ADAM22: variants seen among roughly 807,000 people sequenced by gnomAD.
ADAM22 encodes the protein disintegrin and metalloproteinase domain-containing protein 22.
Under a neutral mutation model 144.6 loss-of-function variants are expected in ADAM22, and 65 were observed. The observed-to-expected ratio is 0.45, with a 90% CI of 0.37 to 0.55. The LOEUF (loss-of-function observed/expected upper bound fraction) is 0.55. Among genes scored for constraint, ADAM22 ranks in the 20% least tolerant of loss-of-function variants. The pLI is 0.00. For missense variants in ADAM22, 974 were observed against 1,184.9 expected, an observed-to-expected ratio of 0.82 and a Z score of 2.61; for synonymous variants, 391 against 412.6, an observed-to-expected ratio of 0.95 and a Z score of 0.63.
chr7:88,142,634 C>T (rs147686193), intron 14 of ADAM22, among the ~76,000 whole-genome samples: 4 of 151,902 alleles, frequency 2.6e-5, no homozygotes, highest in Admixed American at 6.6e-5. Flanking sequence ...GTCAGGAGAT[C>T]GAGACCATCC....
At chr7:87,950,368 T>C (rs1198706921) in intron 2 of ADAM22, among the ~76,000 whole-genome samples, 2 of 145,198 alleles carry the variant, frequency 1.4e-5, no homozygotes, top group Admixed American at 1.4e-4. Flanking sequence ...AATTCCCATC[T>C]ATGAGTGAGA....
rs186354239 is a variant in ADAM22, at chr7:88,035,665, T to A, written c.324-39961T>A. On this transcript the variant is annotated intron_variant, in intron 3 of 31. Transcript: ENST00000413139. ...CAGTATTACAACAATTTACGTAGCA[T>A]TCATGTTGTATTAGATATTATAAGT... Among the ~76,000 whole-genome samples the A allele has an allele frequency of 3.5e-4, 54 of 152,356 alleles. No individual in the cohort carries two copies. In the East Asian group the frequency reaches 7.7e-3, roughly 22 times the overall value.
chr7:88,160,311 T>C (rs1841225043), intron 22 of ADAM22, among the ~76,000 whole-genome samples: 1 of 152,162 alleles, frequency 6.6e-6, no homozygotes, highest in South Asian at 2.1e-4. Flanking sequence ...ATAAATATTA[T>C]TCAAATGGCC....
intron 3 of ADAM22, among the ~76,000 whole-genome samples, chr7:88,031,925 A>G (rs1013013207): frequency 6.6e-6 from 1 of 152,200 alleles, no homozygotes; most frequent in Non-Finnish European, 1.5e-5. Context: ...AGCCTTCCAG[A>G]TGGTGTTAGG....
At chr7:88,041,313 A>G (rs1803074026) in intron 3 of ADAM22, among the ~76,000 whole-genome samples, 1 of 152,020 alleles carries the variant, frequency 6.6e-6, no homozygotes, top group Admixed American at 6.5e-5. Flanking sequence ...CAAGAATGGT[A>G]GTGAGTGCCA....
intron 26 of ADAM22, among the ~76,000 whole-genome samples, chr7:88,175,433 G>A (rs1727606561): frequency 6.6e-6 from 1 of 152,064 alleles, no homozygotes; most frequent in African/African-American, 2.4e-5. Flanking sequence ...TTATTTAATG[G>A]GATGTATCGA....
At chr7:87,982,537 C>T (rs1391702628) in intron 3 of ADAM22, among the ~76,000 whole-genome samples, 1 of 150,782 alleles carries the variant, frequency 6.6e-6, no homozygotes, top group Non-Finnish European at 1.5e-5. Flanking sequence ...ATATCTAGGG[C>T]CTTGTAGGCA....
At chr7:88,000,862 T>C (rs755729380) in intron 3 of ADAM22, among the ~76,000 whole-genome samples, 15 of 152,154 alleles carry the variant, frequency 9.9e-5, no homozygotes, top group Non-Finnish European at 1.8e-4. Flanking sequence ...AGTAAAGAAG[T>C]GGAATGACTA....
intron 7 of ADAM22, among the ~76,000 whole-genome samples, chr7:88,118,657 A>C (rs1409887116): frequency 5.2e-4 from 78 of 148,816 alleles, no homozygotes; most frequent in Middle Eastern, 7.0e-3. Context: ...CTATCTATCT[A>C]TATATATATA....
chr7:87,966,740 T>TTG lies in ADAM22; in HGVS notation c.247-11595_247-11594insGT, dbSNP rs1279097380. Among the ~76,000 whole-genome samples, 88 of 140,478 alleles carry TTG rather than the reference T, an allele frequency of 6.3e-4. 1 individual carries two copies. Among genetic ancestry groups the TTG allele is most frequent in the African/African-American group, 2.3e-3 (86 of 37,188 alleles). 92.2% of individuals were successfully genotyped at this position (140,478 alleles called of 152,430 possible). On this transcript the variant is annotated intron_variant, in intron 2 of 31. Transcript: ENST00000413139. ...AAAGCCGTTTTTTTTTTTTTTTTTT[T>TTG]TTTTTTTTTTTTGTGGCATGTGTAG...
At chr7:88,138,907 G>C (rs1212048258) in intron 14 of ADAM22, among the ~76,000 whole-genome samples, 1 of 152,192 alleles carries the variant, frequency 6.6e-6, no homozygotes. Context: ...GGAGTTTACT[G>C]TCACTGCCAA....
chr7:88,186,384 C>T (rs1848318106), intron 29 of ADAM22: 1 of 494,514 alleles, frequency 2.0e-6, no homozygotes, highest in Non-Finnish European at 3.6e-6. Flanking sequence ...AAAAGGCTTT[C>T]CCAGAAATGT....
At chr7:88,101,725 C>T (rs780112863) in intron 4 of ADAM22, among the ~76,000 whole-genome samples, 5 of 152,116 alleles carry the variant, frequency 3.3e-5, no homozygotes, top group Non-Finnish European at 7.3e-5. Flanking sequence ...CATTCTGTAT[C>T]AGGAAGGGTC....
chr7:88,051,188 A>G (rs988604530), intron 3 of ADAM22, among the ~76,000 whole-genome samples: 8 of 152,242 alleles, frequency 5.3e-5, no homozygotes, highest in Non-Finnish European at 1.2e-4. Context: ...TGACCCAGCC[A>G]TCCCATTACT....
At chr7:88,037,851 G>A (rs767888402) in intron 3 of ADAM22, among the ~76,000 whole-genome samples, 2 of 152,108 alleles carry the variant, frequency 1.3e-5, no homozygotes, top group Non-Finnish European at 2.9e-5. Context: ...ATAGCCATAT[G>A]TACTATCTCT....
chr7:88,023,917 C>T (rs1461099014), intron 3 of ADAM22, among the ~76,000 whole-genome samples: 1 of 151,402 alleles, frequency 6.6e-6, no homozygotes, highest in Non-Finnish European at 1.5e-5. Context: ...ATTTTTAAAT[C>T]CCACAAATAA....
At chr7:88,087,780 T>C (rs117489270) in intron 4 of ADAM22, among the ~76,000 whole-genome samples, 241 of 152,304 alleles carry the variant, frequency 1.6e-3, no homozygotes, top group Non-Finnish European at 2.4e-3. Flanking sequence ...AACTACTGTA[T>C]ATGAGCATTC....
intron 2 of ADAM22, among the ~76,000 whole-genome samples, chr7:87,944,168 A>C (rs1843004180): frequency 6.7e-6 from 1 of 149,866 alleles, no homozygotes; most frequent in South Asian, 2.1e-4. Flanking sequence ...CCTTTTAAGT[A>C]GGTTTGTTTC....
intron 3 of ADAM22, among the ~76,000 whole-genome samples, chr7:88,000,489 G>C (rs1294191870): frequency 6.6e-6 from 1 of 152,040 alleles, no homozygotes; most frequent in Non-Finnish European, 1.5e-5. Flanking sequence ...GCATATTCAG[G>C]ATTGTGCATC....
Sources: allele counts gnomAD v4.1 joint callset (sites outside exome capture counted in the v4.1 genomes callset), GRCh38; gene constraint gnomAD v4.1.1; transcripts MANE v1.5; gene names NCBI Gene and HGNC (gene_info 2026-07-23, HGNC 2026-07-21).